The following RAPGEF2 variants were observed in gnomAD, a reference collection of about 807,000 sequenced individuals.
The protein encoded by RAPGEF2 is PDZ domain containing guanine nucleotide exchange factor (GEF) 1.
Under a neutral mutation model 186.7 loss-of-function variants are expected in RAPGEF2, and 54 were observed. The ratio of observed to expected loss-of-function variants is 0.29; its 90% CI spans 0.23 to 0.36. The LOEUF (loss-of-function observed/expected upper bound fraction) is 0.36. RAPGEF2 is among the 10% of genes least tolerant of loss of function. The probability of loss-of-function intolerance (pLI) is 1.00; values close to 1 mark genes in which losing one functional copy is unlikely to be tolerated. For missense variants in RAPGEF2, 1,532 were observed against 2,045.0 expected (o/e 0.75, Z 4.84); for synonymous variants, 712 against 705.9 (o/e 1.01, Z -0.14).
At chr4:159,314,869 C>A in intron 9 of RAPGEF2, 101 bp downstream of exon 9, 1 of 1,105,254 alleles carries the variant, frequency 9.0e-7, no homozygotes, top group Non-Finnish European at 1.3e-6. Flanking sequence ...TTTAAAAACT[C>A]ATTAATTTAT....
At chr4:159,306,759 T>C (rs1272014007) in intron 8 of RAPGEF2, among the ~76,000 whole-genome samples, 2 of 152,132 alleles carry the variant, frequency 1.3e-5, no homozygotes, top group Non-Finnish European at 2.9e-5. Flanking sequence ...TGTAGGTTTG[T>C]CTTATATTAC....
At chr4:159,151,329 A>G (rs994887014) in intron 1 of RAPGEF2, among the ~76,000 whole-genome samples, 5 of 152,248 alleles carry the variant, frequency 3.3e-5, no homozygotes, top group Non-Finnish European at 7.3e-5. Context: ...GGTGCAGGTC[A>G]GCTGAGTTGG....
At position 159,332,640 on chromosome 4, in the gene RAPGEF2, A is replaced by G. The variant is rs1358029429; in HGVS notation, c.2078A>G (p.Lys693Arg). The change falls in exon 17 of 30, where the codon AAG becomes AGG. Residue 693 changes from lysine to arginine, a missense_variant. Physicochemically the swap from Lys to Arg is conservative, Grantham distance 26. Transcript: ENST00000691494. ...SKANTVGGRNKLKKILDKTRI... is the reference protein window; with the variant it reads ...SKANTVGGRNRLKKILDKTRI... ...GCCAACACTGTGGGAGGAAGGAACA[A>G]GCTGAAAAAGATACTCGACAAGACT... 1.2e-6 allele frequency: 2 copies of G among 1,614,050 alleles called. No individual in the cohort carries two copies. The highest frequency in any genetic ancestry group is 2.7e-5 in the African/African-American group (2 of 74,944).
chr4:159,158,923 C>T (rs553263644), intron 1 of RAPGEF2, among the ~76,000 whole-genome samples: 1 of 152,186 alleles, frequency 6.6e-6, no homozygotes, highest in East Asian at 1.9e-4. Context: ...AAAATTGAAA[C>T]AATAGCCGTA....
chr4:159,250,472 C>A (rs1755181307), intron 7 of RAPGEF2, among the ~76,000 whole-genome samples: 1 of 152,028 alleles, frequency 6.6e-6, no homozygotes, highest in African/African-American at 2.4e-5. Flanking sequence ...GGAGTAATTA[C>A]AAAGGGAAAT....
In RAPGEF2 at chr4:159,177,253, G is replaced by T. The variant is rs140371888; in HGVS notation, c.70-9389G>T. 7.9e-3 allele frequency among the ~76,000 whole-genome samples: 1,182 copies of T among 149,112 alleles called. 13 individuals are homozygous for T. Among genetic ancestry groups the T allele is most frequent in the African/African-American group, 0.027 (1,082 of 40,586 alleles). The stretch of plus-strand genomic sequence containing the variant: ...TTTGGCATACAGACACATCATAAAA[G>T]GATACATTAATTTGTAAAAATTCTG... On this transcript the variant is annotated intron_variant, in intron 1 of 29. Transcript: ENST00000691494.
chr4:159,291,817 T>G (rs1415629488), intron 7 of RAPGEF2, among the ~76,000 whole-genome samples: 1 of 152,130 alleles, frequency 6.6e-6, no homozygotes, highest in African/African-American at 2.4e-5. Context: ...TGATGTAAGT[T>G]GTAATGAATA....
rs183412893 is a variant in RAPGEF2, at chr4:159,157,987, G to A, written c.70-28655G>A. On this transcript the variant is annotated intron_variant, in intron 1 of 29. Coordinates refer to ENST00000691494, the MANE Select transcript of RAPGEF2 (RefSeq NM_001394067.2). ...CAGCCAGGTGTAGTAAATGTCTATGGTGGGGCTAGCAGATGGTGCCTGGGG... is the reference window on the plus strand; with the variant it reads ...CAGCCAGGTGTAGTAAATGTCTATGATGGGGCTAGCAGATGGTGCCTGGGG... Among the ~76,000 whole-genome samples, 7 of 152,276 alleles carry A rather than the reference G, an allele frequency of 4.6e-5. No homozygotes were observed. The East Asian group carries it at 1.2e-3, about 25-fold the overall frequency.
intron 7 of RAPGEF2, among the ~76,000 whole-genome samples, chr4:159,276,791 T>C (rs1758938317): frequency 6.6e-6 from 1 of 152,168 alleles, no homozygotes; most frequent in Non-Finnish European, 1.5e-5. Context: ...AATTAAAGCA[T>C]GTCTGTTGAA....
At chr4:159,240,807 GTT>G (rs373635263) in intron 5 of RAPGEF2, among the ~76,000 whole-genome samples, 2,917 of 132,906 alleles carry the variant, frequency 0.022, 9 homozygotes, top group Middle Eastern at 0.058. Context: ...TTCCATCAGG[GTT>G]TTTTTTTTTT....
chr4:159,121,752 C>T (rs573749773), intron 1 of RAPGEF2, among the ~76,000 whole-genome samples: 31 of 151,738 alleles, frequency 2.0e-4, no homozygotes, highest in Middle Eastern at 3.4e-3. Flanking sequence ...GTTATGGAGC[C>T]GGGCTCGGTG....
At chr4:159,156,195 C>A (rs1355739440) in intron 1 of RAPGEF2, among the ~76,000 whole-genome samples, 5 of 152,182 alleles carry the variant, frequency 3.3e-5, no homozygotes, top group Non-Finnish European at 7.3e-5. Flanking sequence ...CACTTCCAAG[C>A]TGGCTGTTGG....
At chr4:159,154,162 T>A (rs1188229040) in intron 1 of RAPGEF2, among the ~76,000 whole-genome samples, 1 of 152,196 alleles carries the variant, frequency 6.6e-6, no homozygotes, top group Non-Finnish European at 1.5e-5. Context: ...GGCAATGTAA[T>A]TTTAAGTAAA....
At chr4:159,204,646 CAG>C (rs1749781111) in intron 3 of RAPGEF2, among the ~76,000 whole-genome samples, 1 of 152,180 alleles carries the variant, frequency 6.6e-6, no homozygotes, top group Non-Finnish European at 1.5e-5. Flanking sequence ...TGATGAAAAA[CAG>C]AAACAGGAGC....
intron 9 of RAPGEF2, among the ~76,000 whole-genome samples, chr4:159,315,133 T>C (rs1398074496): frequency 6.6e-6 from 1 of 152,172 alleles, no homozygotes; most frequent in Non-Finnish European, 1.5e-5. Context: ...TTTCTGTATG[T>C]AAACATAAAG....
At chr4:159,349,043 A>G (rs1026589107) in intron 25 of RAPGEF2, among the ~76,000 whole-genome samples, 2 of 152,306 alleles carry the variant, frequency 1.3e-5, no homozygotes, top group South Asian at 2.1e-4. Flanking sequence ...CATCCATCCA[A>G]CATGGTTTGA....
intron 1 of RAPGEF2, among the ~76,000 whole-genome samples, chr4:159,163,000 C>T (rs1258283801): frequency 3.3e-5 from 5 of 152,060 alleles, no homozygotes; most frequent in South Asian, 2.1e-4. Context: ...CTCCTCACTC[C>T]GAAACACCTG....
At chr4:159,235,070 T>G (rs1753091885) in intron 4 of RAPGEF2, among the ~76,000 whole-genome samples, 1 of 152,160 alleles carries the variant, frequency 6.6e-6, no homozygotes, top group South Asian at 2.1e-4. Context: ...TATGAAAAAT[T>G]ATCTTAATCT....
At chr4:159,186,052 C>CT (rs1393032282) in intron 1 of RAPGEF2, among the ~76,000 whole-genome samples, 6 of 151,786 alleles carry the variant, frequency 4.0e-5, no homozygotes, top group African/African-American at 1.5e-4. Context: ...TTCTTCTGAA[C>CT]TTTCATAAAT....
Sources: gnomAD v4.1 joint callset for allele counts (sites outside exome capture counted in the v4.1 genomes callset) on GRCh38, gnomAD v4.1.1 for gene constraint, MANE v1.5 for transcripts, NCBI Gene and HGNC (gene_info 2026-07-23, HGNC 2026-07-21) for gene names.